KCNG2: variants seen among roughly 807,000 people sequenced by gnomAD.
The protein encoded by KCNG2 is voltage-gated potassium channel regulatory subunit KCNG2.
A neutral mutation model predicts 12.3 loss-of-function variants in KCNG2; 7 were observed. That is an observed-to-expected ratio of 0.57 (90% CI 0.32 to 1.07). The LOEUF is 1.07. Ranked by LOEUF, KCNG2 falls within the 50% of genes least tolerant of loss-of-function variation. The pLI is 0.04. For synonymous variants in KCNG2, 414 were observed against 351.4 expected, an observed-to-expected ratio of 1.18 and a Z score of -1.99; for missense variants, 703 against 726.0, an observed-to-expected ratio of 0.97 and a Z score of 0.36.
intron 2 of KCNG2, among the ~76,000 whole-genome samples, chr18:79,859,343 G>A (rs141843237): frequency 8.3e-4 from 126 of 152,344 alleles, no homozygotes; most frequent in Non-Finnish European, 1.4e-3. Flanking sequence ...ATGTCATCAT[G>A]ATTCTGATGT....
chr18:79,874,957 A>G (rs1037583479), intron 3 of KCNG2, among the ~76,000 whole-genome samples: 1 of 152,108 alleles, frequency 6.6e-6, no homozygotes, highest in African/African-American at 2.4e-5. Flanking sequence ...GGTATGTGAC[A>G]GGCCCTGAGG....
intron 1 of KCNG2, among the ~76,000 whole-genome samples, chr18:79,856,135 C>G (rs536535087): frequency 1.3e-5 from 2 of 152,272 alleles, no homozygotes; most frequent in East Asian, 3.9e-4. Flanking sequence ...GGAAGAAAGC[C>G]TTTTACAGCA....
intron 3 of KCNG2, among the ~76,000 whole-genome samples, chr18:79,869,486 T>C (rs1356464838): frequency 2.6e-5 from 4 of 152,132 alleles, no homozygotes; most frequent in African/African-American, 9.7e-5. Context: ...GGGGACGCAC[T>C]GGCCCACAGA....
Position 79,884,463 on chromosome 18 carries a change from C to T in KCNG2, c.625-14577C>T, listed in dbSNP as rs1980442947. 6.6e-6 allele frequency among the ~76,000 whole-genome samples: 1 copy of T among 152,214 alleles called. No homozygotes were observed. Among genetic ancestry groups the T allele is most frequent in the Non-Finnish European group, 1.5e-5 (1 of 68,036 alleles). ...TGGCTGGTTCCCTTCCTTGGTTCCC[C>T]CAGTGGGATGGAGCCCCGGCCACTG... On this transcript the variant is annotated intron_variant, in intron 3 of 3. Coordinates refer to ENST00000316249, the MANE Select transcript of KCNG2 (RefSeq NM_012283.2). The surrounding 1 kb of genome is among the most constrained non-coding windows in gnomAD (Gnocchi z 5.5).
intron 1 of KCNG2, among the ~76,000 whole-genome samples, chr18:79,830,829 C>T (rs1164874538): frequency 7.6e-6 from 1 of 130,920 alleles, no homozygotes; most frequent in East Asian, 2.3e-4. Context: ...ACAGAGCCTT[C>T]GTCAGGAGCG....
chr18:79,823,714 T>C (rs963089572), intron 1 of KCNG2, among the ~76,000 whole-genome samples: 1 of 152,188 alleles, frequency 6.6e-6, no homozygotes, highest in African/African-American at 2.4e-5. Flanking sequence ...GTTTTTCTTT[T>C]TCCACGTGTG....
intron 3 of KCNG2, among the ~76,000 whole-genome samples, chr18:79,892,852 G>A (rs1044756510): frequency 9.9e-5 from 15 of 151,630 alleles, no homozygotes; most frequent in African/African-American, 3.6e-4. Context: ...TTGGGTCTGT[G>A]TCTGCTTTTG....
At chr18:79,819,351 G>T (rs891361793) in intron 1 of KCNG2, among the ~76,000 whole-genome samples, 1 of 152,228 alleles carries the variant, frequency 6.6e-6, no homozygotes, top group Admixed American at 6.5e-5. Flanking sequence ...CTTCCTGGTG[G>T]CTGTACGGGT....
intron 3 of KCNG2, among the ~76,000 whole-genome samples, chr18:79,878,712 C>T (rs1209326077): frequency 6.6e-6 from 1 of 152,248 alleles, no homozygotes; most frequent in Non-Finnish European, 1.5e-5. Flanking sequence ...TTGACCTCCT[C>T]TGACTTCTTG....
chr18:79,866,634 G>A, intron 3 of KCNG2, among the ~76,000 whole-genome samples: 1 of 142,846 alleles, frequency 7.0e-6, no homozygotes, highest in Admixed American at 7.0e-5. Context: ...GTGCTGAGAG[G>A]TCTGTTTTCT....
intron 1 of KCNG2, among the ~76,000 whole-genome samples, chr18:79,825,953 G>A (rs1021659347): frequency 2.0e-5 from 3 of 152,238 alleles, no homozygotes; most frequent in Non-Finnish European, 4.4e-5. Context: ...CCTCTCGGCC[G>A]CTCTGGGACC....
At chr18:79,829,308 GTC>G (rs1978289758) in intron 1 of KCNG2, among the ~76,000 whole-genome samples, 3 of 151,586 alleles carry the variant, frequency 2.0e-5, no homozygotes, top group South Asian at 4.2e-4. Context: ...CTGTGTGTGT[GTC>G]TGTGTGTACA....
intron 1 of KCNG2, among the ~76,000 whole-genome samples, chr18:79,845,542 G>A (rs938667389): frequency 3.3e-5 from 5 of 152,158 alleles, no homozygotes; most frequent in Non-Finnish European, 7.4e-5. Context: ...ACCCTGCTTT[G>A]TGGATAAGAG....
intron 3 of KCNG2, among the ~76,000 whole-genome samples, chr18:79,869,776 A>G (rs1296474112): frequency 6.6e-6 from 1 of 152,196 alleles, no homozygotes; most frequent in Admixed American, 6.5e-5. Flanking sequence ...TCTGACCCTC[A>G]AAAAGTACAT....
At chr18:79,802,809 A>G (rs1047789132) in intron 1 of KCNG2, among the ~76,000 whole-genome samples, 1 of 151,906 alleles carries the variant, frequency 6.6e-6, no homozygotes, top group Non-Finnish European at 1.5e-5. Context: ...CAAGTTTTAT[A>G]TCGGTACATT....
intron 2 of KCNG2, among the ~76,000 whole-genome samples, chr18:79,857,350 A>G (rs1299343922): frequency 1.3e-5 from 2 of 151,470 alleles, no homozygotes; most frequent in Non-Finnish European, 2.9e-5. Context: ...TGCAGTAGTC[A>G]TCCAAGGAGC....
Position 79,865,274 on chromosome 18 carries a change from G to A in KCNG2, c.624+983G>A, listed in dbSNP as rs372519293. Among the ~76,000 whole-genome samples the A allele has an allele frequency of 6.0e-3, 855 of 142,172 alleles. 12 individuals carry two copies. Among genetic ancestry groups the A allele is most frequent in the African/African-American group, 0.021 (772 of 37,318 alleles). The allele number at this position is 142,172 out of a possible 152,430, so 93.3% of individuals were successfully genotyped here. Reference sequence around the variant, plus strand: ...TGCTGAGGTCTGGGTGCTGAGGTCTGTGTGCTGAGAGGTCTGTGTGCTGAG... The same window carrying A: ...TGCTGAGGTCTGGGTGCTGAGGTCTATGTGCTGAGAGGTCTGTGTGCTGAG... On this transcript the variant is annotated intron_variant, in intron 3 of 3. Transcript: ENST00000316249.
At chr18:79,852,357 C>T (rs1386658956) in intron 1 of KCNG2, among the ~76,000 whole-genome samples, 1 of 152,246 alleles carries the variant, frequency 6.6e-6, no homozygotes, top group African/African-American at 2.4e-5. Context: ...CCATGAGGAA[C>T]ATTTTGTATT....
intron 3 of KCNG2, among the ~76,000 whole-genome samples, chr18:79,892,646 CTAA>C (rs1479771862): frequency 1.3e-5 from 2 of 151,826 alleles, no homozygotes; most frequent in Non-Finnish European, 2.9e-5. Flanking sequence ...CCATTCACAG[CTAA>C]TGTTACGATT....
Sources: gnomAD v4.1 joint callset for allele counts (sites outside exome capture counted in the v4.1 genomes callset) on GRCh38, gnomAD v4.1.1 for gene constraint, Gnocchi (gnomAD v3.1) non-coding constraint, MANE v1.5 for transcripts, NCBI Gene and HGNC (gene_info 2026-07-23, HGNC 2026-07-21) for gene names.